The following LRPPRC variants were observed in gnomAD, a reference collection of about 807,000 sequenced individuals.
LRPPRC encodes the protein leucine rich pentatricopeptide repeat containing, also known as leucine-rich PPR motif-containing protein, mitochondrial.
In LRPPRC, 120 loss-of-function variants were observed where a neutral mutation model predicts 180.3. The observed-to-expected ratio is 0.67, with a 90% CI of 0.57 to 0.77. The LOEUF (loss-of-function observed/expected upper bound fraction) is 0.77, where lower values mean the gene tolerates loss of function less well. Ranked by LOEUF, LRPPRC falls within the 30% of genes least tolerant of loss-of-function variation. LRPPRC has a pLI of 0.00. For missense variants in LRPPRC, 2,012 were observed against 1,657.2 expected (o/e 1.21, Z -3.72); for synonymous variants, 723 against 600.0 (o/e 1.21, Z -3.00).
intron 5 of LRPPRC, 136 bp from the exon 6 acceptor site, chr2:43,976,365 G>A (rs1674055183): frequency 3.1e-6 from 2 of 650,988 alleles, no homozygotes; most frequent in Non-Finnish European, 5.5e-6. Context: ...AAACCACAAA[G>A]AAAGAACTAA....
intron 11 of LRPPRC, among the ~76,000 whole-genome samples, chr2:43,964,924 T>C (rs373054065): frequency 3.3e-5 from 5 of 152,192 alleles, no homozygotes; most frequent in Admixed American, 1.3e-4. Flanking sequence ...TTCACACCTA[T>C]AGTTTCAGCT....
intron 36 of LRPPRC, among the ~76,000 whole-genome samples, chr2:43,891,200 G>T (rs1670480839): frequency 6.6e-6 from 1 of 152,204 alleles, no homozygotes; most frequent in Non-Finnish European, 1.5e-5. Flanking sequence ...CTAGGAAGCT[G>T]CTCCGAAAAT....
chr2:43,932,294 C>T (rs779127888), intron 25 of LRPPRC, among the ~76,000 whole-genome samples: 1 of 151,962 alleles, frequency 6.6e-6, no homozygotes, highest in African/African-American at 2.4e-5. Context: ...GAGCTTATGA[C>T]TGGTTTATCT....
intron 25 of LRPPRC, among the ~76,000 whole-genome samples, chr2:43,928,058 G>T (rs1382308214): frequency 6.6e-6 from 1 of 152,164 alleles, no homozygotes; most frequent in Non-Finnish European, 1.5e-5. Flanking sequence ...CTCATATTTA[G>T]TTCTTTCTGT....
At chr2:43,898,163 C>A (rs1054231446) in intron 34 of LRPPRC, among the ~76,000 whole-genome samples, 23 of 150,066 alleles carry the variant, frequency 1.5e-4, no homozygotes, top group Non-Finnish European at 3.0e-4. Flanking sequence ...TCTCCAGCAA[C>A]AAAAGTAAGA....
At chr2:43,918,465 G>T (rs1671559734) in intron 27 of LRPPRC, 67 bp from the exon 28 acceptor site, 1 of 1,179,660 alleles carries the variant, frequency 8.5e-7, no homozygotes, top group African/African-American at 1.5e-5. Context: ...AAAATATTTA[G>T]AACTTTTTCT....
chr2:43,970,450 C>G (rs1673754667), intron 11 of LRPPRC, among the ~76,000 whole-genome samples: 2 of 152,114 alleles, frequency 1.3e-5, no homozygotes, highest in Non-Finnish European at 2.9e-5. Flanking sequence ...ACTGATCTAT[C>G]TGAACAAATT....
chr2:43,949,841 C>T (rs1204273352), intron 15 of LRPPRC, among the ~76,000 whole-genome samples, 182 bp from the exon 16 acceptor site: 1 of 152,060 alleles, frequency 6.6e-6, no homozygotes, highest in Non-Finnish European at 1.5e-5. Flanking sequence ...ATAGGTTTGT[C>T]TTTTAAAAAC....
rs377428615 is a variant in LRPPRC at position 43,973,949 on chromosome 2, G to A, written c.1156-49C>T. 59 of 1,206,272 alleles carry A rather than the reference G, an allele frequency of 4.9e-5. No individual in the cohort carries two copies. The East Asian group carries it at 8.4e-4, about 17-fold the overall frequency. The allele number at this position is 1,206,272 out of a possible 1,614,324, so 74.7% of individuals were successfully genotyped here. On this transcript the variant is annotated intron_variant, in intron 9 of 37. Coordinates refer to ENST00000260665, the MANE Select transcript of LRPPRC (RefSeq NM_133259.4). ...TAGCTGGATTGGCAAACACCCCACC[G>A]TTTGACCTGCTGCAAATATTCTACC...
intron 27 of LRPPRC, among the ~76,000 whole-genome samples, chr2:43,924,508 T>C (rs1470349509): frequency 1.3e-5 from 2 of 152,170 alleles, no homozygotes; most frequent in African/African-American, 2.4e-5. Context: ...TAATAGGAGA[T>C]GATAGGCTGA....
Position 43,974,639 on chromosome 2 carries a change from A to C in LRPPRC, c.984T>G (p.Val328=). The C allele has an allele frequency of 2.5e-6, 4 of 1,603,310 alleles. No individual in the cohort carries two copies. Among genetic ancestry groups the C allele is most frequent in the Non-Finnish European group, 2.6e-6 (3 of 1,170,358 alleles). ...CTGGAATATATCTTCTTTCACATGT[A>C]ACTTTTTCCAAAATTTCTGAGACAT... is the stretch of plus-strand genomic sequence containing the variant. ...PQYVSEILEK[V]TCERRYIPDA... is the part of the protein sequence containing the mutation. Residue 328 remains valine (V), a synonymous_variant, in exon 8 of 38, where the codon GTT becomes GTG. Coordinates refer to ENST00000260665, the MANE Select transcript of LRPPRC (RefSeq NM_133259.4).
chr2:43,897,211 C>T (rs1311513488), intron 34 of LRPPRC, among the ~76,000 whole-genome samples: 1 of 151,938 alleles, frequency 6.6e-6, no homozygotes, highest in Non-Finnish European at 1.5e-5. Context: ...ATTTCAATCT[C>T]TCTATTTTAT....
chr2:43,991,378 G>C (rs996074897), intron 1 of LRPPRC, among the ~76,000 whole-genome samples: 1 of 152,086 alleles, frequency 6.6e-6, no homozygotes, highest in African/African-American at 2.4e-5. Flanking sequence ...TCTAAAATGA[G>C]AGTTTTCTAA....
At chr2:43,927,898 A>C (rs555358221) in intron 25 of LRPPRC, among the ~76,000 whole-genome samples, 1 of 152,362 alleles carries the variant, frequency 6.6e-6, no homozygotes, top group Non-Finnish European at 1.5e-5. Context: ...TGTAATGTCA[A>C]GATTTCTGGC....
intron 34 of LRPPRC, among the ~76,000 whole-genome samples, chr2:43,898,691 T>C (rs2104987967): frequency 6.6e-6 from 1 of 152,280 alleles, no homozygotes; most frequent in South Asian, 2.1e-4. Flanking sequence ...AATGTGTCTG[T>C]GACACACAAG....
At chr2:43,948,995 A>G (rs1476045953) in intron 16 of LRPPRC, among the ~76,000 whole-genome samples, 1 of 152,178 alleles carries the variant, frequency 6.6e-6, no homozygotes, top group Non-Finnish European at 1.5e-5. Context: ...TCCTGTGGAG[A>G]GCTGCCTATT....
In LRPPRC at chr2:43,888,517, T is replaced by G. The variant is rs747768734; in HGVS notation, c.*83A>C. The stretch of plus-strand genomic sequence containing the variant: ...TAAGTACATAAAGAAAATTTTCATT[T>G]ATTTTTCCCTCAGATATACTTCAAA... On this transcript the variant is annotated 3_prime_UTR_variant, in exon 38 of 38. Transcript: ENST00000260665. 1.7e-5 allele frequency: 15 copies of G among 900,886 alleles called. No homozygotes were observed. The highest frequency in any genetic ancestry group is 2.6e-5 in the Non-Finnish European group (14 of 543,296). The allele number at this position is 900,886 out of a possible 1,614,324, so 55.8% of individuals were successfully genotyped here.
At chr2:43,898,881 G>T (rs981281423) in intron 34 of LRPPRC, among the ~76,000 whole-genome samples, 19 of 152,106 alleles carry the variant, frequency 1.2e-4, no homozygotes, top group Non-Finnish European at 4.4e-5. Context: ...GAAAATCAAA[G>T]GAATTGTTGT....
rs1038623916 is a variant in LRPPRC at position 43,957,299 on chromosome 2, T to C, written c.1649+86A>G. Reference sequence around the variant, plus strand: ...AATGTACACTGAAAGATAAGAATATTTGTATTTTTCCTCATGCAATAAGTC... The same window carrying C: ...AATGTACACTGAAAGATAAGAATATCTGTATTTTTCCTCATGCAATAAGTC... On this transcript the variant is annotated intron_variant, in intron 14 of 37. Coordinates refer to ENST00000260665, the MANE Select transcript of LRPPRC (RefSeq NM_133259.4). 22 of 902,514 alleles carry C rather than the reference T, an allele frequency of 2.4e-5. No homozygotes were observed. In the African/African-American group the frequency reaches 2.6e-4, roughly 11 times the overall value. 55.9% of individuals were successfully genotyped at this position (902,514 alleles called of 1,614,324 possible).
Sources: allele counts gnomAD v4.1 joint callset (sites outside exome capture counted in the v4.1 genomes callset), GRCh38; gene constraint gnomAD v4.1.1; transcripts MANE v1.5; gene names NCBI Gene and HGNC (gene_info 2026-07-23, HGNC 2026-07-21).